Variants in MAP2K2 observed in about 807,000 individuals in gnomAD.
MAP2K2 encodes dual specificity mitogen-activated protein kinase kinase 2.
Under a neutral mutation model 43.7 loss-of-function variants are expected in MAP2K2, and 24 were observed. The observed-to-expected ratio is 0.55, with a 90% CI of 0.40 to 0.77. The LOEUF (loss-of-function observed/expected upper bound fraction) is 0.77, where lower values mean the gene tolerates loss of function less well. MAP2K2 is among the 30% of genes least tolerant of loss of function. MAP2K2 has a pLI of 0.00. For missense variants in MAP2K2, 470 were observed against 566.8 expected, an observed-to-expected ratio of 0.83 and a Z score of 1.73; for synonymous variants, 244 against 239.7, an observed-to-expected ratio of 1.02 and a Z score of -0.17.
At chr19:4,105,414 G>A (rs902021528) in intron 3 of MAP2K2, among the ~76,000 whole-genome samples, 7 of 151,790 alleles carry the variant, frequency 4.6e-5, no homozygotes, top group African/African-American at 1.7e-4. Context: ...GACTACAGGT[G>A]CCCGCCACCA....
intron 9 of MAP2K2, chr19:4,094,880 T>G: frequency 2.5e-6 from 1 of 398,812 alleles, no homozygotes; most frequent in Non-Finnish European, 4.7e-6. Context: ...TGCGGTGCCG[T>G]TCCACGGCGT....
At position 4,115,184 on chromosome 19, in the gene MAP2K2, G is replaced by A. The variant is rs967023277; in HGVS notation, c.303+2235C>T. ...CAAGATGACTGACATCTTACATGAC[G>A]GAAGGACAGTACTGACACCCAGAGC... On this transcript the variant is annotated intron_variant, in intron 2 of 10. Transcript: ENST00000262948. This position sits in a 1 kb window ranked among gnomAD's most constrained non-coding sequence, Gnocchi z 4.1. 6.6e-6 allele frequency among the ~76,000 whole-genome samples: 1 copy of A among 152,042 alleles called. No individual in the cohort carries two copies. Among genetic ancestry groups the A allele is most frequent in the African/African-American group, 2.4e-5 (1 of 41,390 alleles).
chr19:4,102,396 G>A lies in MAP2K2; in HGVS notation c.508C>T (p.Leu170=), dbSNP rs1175173972. Residue 170 remains leucine, a synonymous_variant, in exon 4 of 11, where the codon CTG becomes TTG. Coordinates refer to ENST00000262948, the MANE Select transcript of MAP2K2 (RefSeq NM_030662.4). ...CTCACCGCGATGCTGACTTTCCCCAGGATCTCCTCGGGAATCCTCTTGGCC... is the reference window on the plus strand; with the variant it reads ...CTCACCGCGATGCTGACTTTCCCCAAGATCTCCTCGGGAATCCTCTTGGCC... ...KEAKRIPEEI[L]GKVSIAVLRG... is the part of the protein sequence containing the mutation. 1.2e-6 allele frequency: 2 copies of A among 1,604,586 alleles called. No individual in the cohort carries two copies. Among genetic ancestry groups the A allele is most frequent in the African/African-American group, 1.3e-5 (1 of 74,890 alleles).
At chr19:4,112,290 G>T (rs2041163971) in intron 2 of MAP2K2, among the ~76,000 whole-genome samples, 1 of 152,202 alleles carries the variant, frequency 6.6e-6, no homozygotes, top group South Asian at 2.1e-4. Flanking sequence ...ACCTCAATGT[G>T]GCAAAAAGTC....
chr19:4,098,871 A>C (rs2040958840), intron 7 of MAP2K2, among the ~76,000 whole-genome samples: 1 of 152,224 alleles, frequency 6.6e-6, no homozygotes, highest in Non-Finnish European at 1.5e-5. Flanking sequence ...AATTCCTTCC[A>C]CTTTTCTGTG....
chr19:4,097,288 AAT>A lies in MAP2K2; in HGVS notation c.973_974del (p.Ile325CysfsTer7), dbSNP rs770978109. On this transcript the variant is annotated frameshift_variant, in exon 8 of 11. Transcript: ENST00000262948. LOFTEE classifies it high-confidence loss of function. ...AMAIFELLDY[I>X]VNEPPPKLPN... ...GGCATCAAGCACAAACCTCGTTCAC[AAT>A]ATAGTCCAGGAGTTCAAAGATGGCC... The A allele has an allele frequency of 1.9e-6, 3 of 1,612,436 alleles. No homozygotes were observed. In the African/African-American group the frequency reaches 4.0e-5, roughly 22 times the overall value.
At chr19:4,123,514 C>T (rs1030887485) in intron 1 of MAP2K2, among the ~76,000 whole-genome samples, 2 of 150,186 alleles carry the variant, frequency 1.3e-5, no homozygotes, top group Admixed American at 6.7e-5. Context: ...TGCTCAAAGA[C>T]CCCCCTGCCC....
chr19:4,094,634 A>G (rs2040889518), intron 9 of MAP2K2, 136 bp from the exon 10 acceptor site: 1 of 817,488 alleles, frequency 1.2e-6, no homozygotes, highest in Non-Finnish European at 2.0e-6. Context: ...AGAGTGGCAC[A>G]GAGTGGCTGC....
chr19:4,121,998 A>C (rs1599311054), intron 1 of MAP2K2, among the ~76,000 whole-genome samples: 5 of 105,648 alleles, frequency 4.7e-5, no homozygotes, highest in Non-Finnish European at 3.9e-5. Flanking sequence ...CCCCTAAGGG[A>C]CCCCCCTGCC....
intron 6 of MAP2K2, chr19:4,100,730 T>A: frequency 1.9e-6 from 1 of 524,960 alleles, no homozygotes; most frequent in Non-Finnish European, 3.4e-6. Context: ...GGCACCAGCT[T>A]TAGACGTGCC....
At chr19:4,102,835 C>A (rs527437971) in intron 3 of MAP2K2, 3 of 1,202,690 alleles carry the variant, frequency 2.5e-6, no homozygotes, top group Non-Finnish European at 3.2e-6. Context: ...CTTGTCTGTG[C>A]GCCACGGGAG....
chr19:4,110,596 G>C lies in MAP2K2; in HGVS notation c.363C>G (p.Val121=), dbSNP rs2041142010. Residue 121 remains valine, a synonymous_variant, in exon 3 of 11, where the codon GTC becomes GTG. Transcript: ENST00000262948. The stretch of plus-strand genomic sequence containing the variant: ...TGTACGGCGAGTTGCATTCGTGCAG[G>C]ACCTGCAGCTCGCGGATGATCTGGT... ...IRNQIIRELQ[V]LHECNSPYIV... 2 of 1,614,008 alleles carry C rather than the reference G, an allele frequency of 1.2e-6. No individual in the cohort carries two copies. Among genetic ancestry groups the C allele is most frequent in the East Asian group, 2.2e-5 (1 of 44,878 alleles).
chr19:4,102,314 C>T (rs1257926056), intron 4 of MAP2K2, 62 bp downstream of exon 4: 17 of 1,407,444 alleles, frequency 1.2e-5, no homozygotes, highest in East Asian at 4.9e-5. Flanking sequence ...GAACCCTGGC[C>T]GTGTGGAAGA....
At chr19:4,113,922 G>A (rs2041188050) in intron 2 of MAP2K2, among the ~76,000 whole-genome samples, 2 of 152,212 alleles carry the variant, frequency 1.3e-5, no homozygotes, top group South Asian at 4.1e-4. Context: ...GAAACTGACA[G>A]CTCCCAAGCT....
In MAP2K2 at chr19:4,115,426, C is replaced by G. The variant is rs374147781; in HGVS notation, c.303+1993G>C. Among the ~76,000 whole-genome samples the G allele has an allele frequency of 1.8e-4, 28 of 152,320 alleles. No homozygotes were observed. Among genetic ancestry groups the G allele is most frequent in the African/African-American group, 6.5e-4 (27 of 41,582 alleles). On this transcript the variant is annotated intron_variant, in intron 2 of 10. Transcript: ENST00000262948. This position sits in a 1 kb window ranked among gnomAD's most constrained non-coding sequence, Gnocchi z 4.1. ...CATCAGGGACCACTGGAGGCTCCCCCAGAAGCCTGAGGGTCCCTGGCACAC... is the reference window on the plus strand; with the variant it reads ...CATCAGGGACCACTGGAGGCTCCCCGAGAAGCCTGAGGGTCCCTGGCACAC...
intron 2 of MAP2K2, among the ~76,000 whole-genome samples, chr19:4,111,119 T>A (rs575421369): frequency 6.6e-6 from 1 of 152,090 alleles, no homozygotes; most frequent in Non-Finnish European, 1.5e-5. Flanking sequence ...GATGTGTGGG[T>A]GCCGGGGGCT....
chr19:4,106,302 G>A (rs556471817), intron 3 of MAP2K2, among the ~76,000 whole-genome samples: 36 of 152,230 alleles, frequency 2.4e-4, no homozygotes, highest in African/African-American at 7.9e-4. Flanking sequence ...TCAACTACTC[G>A]GGAGGCTGAC....
At chr19:4,117,744 T>C (rs2041243249) in intron 1 of MAP2K2, 115 bp from the exon 2 acceptor site, 1 of 902,844 alleles carries the variant, frequency 1.1e-6, no homozygotes, top group Non-Finnish European at 1.8e-6. Context: ...TTCCTGCACT[T>C]GAGGGGTTCA....
intron 2 of MAP2K2, among the ~76,000 whole-genome samples, chr19:4,113,696 A>G (rs926675920): frequency 6.6e-6 from 1 of 152,190 alleles, no homozygotes; most frequent in Middle Eastern, 3.2e-3. Flanking sequence ...TGTTAAAACT[A>G]AATGCCAGAC....
Sources: allele counts gnomAD v4.1 joint callset (sites outside exome capture counted in the v4.1 genomes callset), GRCh38; gene constraint gnomAD v4.1.1; non-coding constraint Gnocchi (gnomAD v3.1); transcripts MANE v1.5; gene names NCBI Gene and HGNC (gene_info 2026-07-23, HGNC 2026-07-21).